The following DPP4 variants were observed in gnomAD, a reference collection of about 807,000 sequenced individuals.
DPP4 encodes ADCP-2.
Under a neutral mutation model 122.4 loss-of-function variants are expected in DPP4, and 93 were observed. The observed-to-expected ratio is 0.76, with a 90% CI of 0.64 to 0.90. The LOEUF is 0.90. Ranked by LOEUF, DPP4 falls within the 40% of genes least tolerant of loss-of-function variation. The pLI is 0.00. For synonymous variants in DPP4, 321 were observed against 302.9 expected (o/e 1.06, Z -0.62); for missense variants, 914 against 907.3 (o/e 1.01, Z -0.09).
chr2:162,034,081 G>A (rs907575638), intron 9 of DPP4, among the ~76,000 whole-genome samples: 2 of 151,784 alleles, frequency 1.3e-5, no homozygotes, highest in African/African-American at 2.4e-5. Flanking sequence ...AACACCTTGG[G>A]TTCTGCCAAA....
At chr2:162,039,093 G>T (rs1184906574) in intron 6 of DPP4, 39 bp downstream of exon 6, 4 of 1,610,034 alleles carry the variant, frequency 2.5e-6, no homozygotes, top group Non-Finnish European at 3.4e-6. Context: ...AAATATGACA[G>T]TAGGAAAGCC....
intron 2 of DPP4, among the ~76,000 whole-genome samples, chr2:162,071,855 CT>C (rs1685129439): frequency 6.6e-6 from 1 of 152,190 alleles, no homozygotes; most frequent in East Asian, 1.9e-4. Context: ...ATCCCTAGGC[CT>C]TTTCACTGGC....
chr2:162,029,517 G>A (rs1683464337), intron 10 of DPP4, among the ~76,000 whole-genome samples: 3 of 152,188 alleles, frequency 2.0e-5, no homozygotes, highest in Admixed American at 1.3e-4. Context: ...TGCAGCACCC[G>A]TACACCCGCA....
At chr2:162,014,167 GAA>G (rs374467084) in intron 19 of DPP4, among the ~76,000 whole-genome samples, 1 of 152,168 alleles carries the variant, frequency 6.6e-6, no homozygotes, top group East Asian at 1.9e-4. Flanking sequence ...CAAAACAAAA[GAA>G]AATCTATACA....
intron 20 of DPP4, among the ~76,000 whole-genome samples, chr2:162,011,134 A>T (rs1682692679): frequency 1.3e-5 from 2 of 152,154 alleles, no homozygotes; most frequent in African/African-American, 4.8e-5. Flanking sequence ...CAGGTAAAGC[A>T]CTTCTCATGC....
chr2:162,041,465 AG>A (rs1315775273), intron 5 of DPP4, among the ~76,000 whole-genome samples: 1 of 152,178 alleles, frequency 6.6e-6, no homozygotes, highest in East Asian at 1.9e-4. Flanking sequence ...ATATAATAGC[AG>A]AGCTGAGATA....
chr2:162,073,632 C>A (rs1342685863), intron 1 of DPP4, 146 bp from the exon 2 acceptor site: 7 of 761,730 alleles, frequency 9.2e-6, no homozygotes. Context: ...GTGGGGGTGG[C>A]GTCTGGAGTG....
At chr2:162,045,204 G>A (rs547769418) in intron 5 of DPP4, among the ~76,000 whole-genome samples, 1 of 152,058 alleles carries the variant, frequency 6.6e-6, no homozygotes, top group African/African-American at 2.4e-5. Context: ...AAAGGGTTCT[G>A]TCATTAGGTG....
intron 16 of DPP4, among the ~76,000 whole-genome samples, chr2:162,017,930 GATA>G (rs1242740793): frequency 6.6e-6 from 1 of 151,976 alleles, no homozygotes; most frequent in East Asian, 1.9e-4. Context: ...AGAAAATGAG[GATA>G]ATAATATCTA....
rs1022166499 is a variant in DPP4 at position 162,074,205 on chromosome 2, C to G, written c.-224G>C. 61 of 1,225,452 alleles carry G rather than the reference C, an allele frequency of 5.0e-5. No homozygotes were observed. The highest frequency in any genetic ancestry group is 8.1e-6 in the Non-Finnish European group (8 of 984,630). The allele number at this position is 1,225,452 out of a possible 1,614,324, so 75.9% of individuals were successfully genotyped here. A position where few individuals can be genotyped will look rare whatever the true frequency, so the allele number is the denominator to read the frequency against. On this transcript the variant is annotated 5_prime_UTR_variant, in exon 1 of 26. Coordinates refer to ENST00000360534, the MANE Select transcript of DPP4 (RefSeq NM_001935.4). ...GCGGCGCGGGAGCAGGCGCGCGTGGCGCGGGGCACTGGCATCCCGGCCGGG... is the reference window on the plus strand; with the variant it reads ...GCGGCGCGGGAGCAGGCGCGCGTGGGGCGGGGCACTGGCATCCCGGCCGGG...
At chr2:162,022,376 T>C (rs115790908) in intron 12 of DPP4, among the ~76,000 whole-genome samples, 13 of 152,318 alleles carry the variant, frequency 8.5e-5, no homozygotes, top group Admixed American at 7.2e-4. Context: ...CTTAGGTAAC[T>C]GTGCAGGCTG....
chr2:162,040,765 A>G (rs749629062), intron 5 of DPP4, among the ~76,000 whole-genome samples: 4 of 152,032 alleles, frequency 2.6e-5, no homozygotes, highest in Non-Finnish European at 5.9e-5. Context: ...ATTAATAATG[A>G]TATATTAATA....
chr2:162,067,674 A>G (rs1347995098), intron 2 of DPP4, among the ~76,000 whole-genome samples: 1 of 138,214 alleles, frequency 7.2e-6, no homozygotes, highest in East Asian at 1.9e-4. Context: ...GCAAATAATA[A>G]AACAGTTAGT....
chr2:162,069,801 T>C lies in DPP4; in HGVS notation c.94+3598A>G, dbSNP rs78905941. On this transcript the variant is annotated intron_variant, in intron 2 of 25. Transcript: ENST00000360534. ...TATCTTTTCTCTCTGATTATTCCTG[T>C]CTCCTTCACATTTGGGTTTTCTCTT... Among the ~76,000 whole-genome samples the C allele has an allele frequency of 8.5e-5, 13 of 152,298 alleles. No individual in the cohort carries two copies. The East Asian group carries it at 2.5e-3, about 29-fold the overall frequency.
intron 23 of DPP4, among the ~76,000 whole-genome samples, chr2:162,001,614 A>AT: frequency 6.6e-6 from 1 of 152,254 alleles, no homozygotes; most frequent in East Asian, 1.9e-4. Flanking sequence ...CCACGTTAAC[A>AT]TTTTTTACAA....
chr2:162,069,525 A>C (rs1240968872), intron 2 of DPP4, among the ~76,000 whole-genome samples: 1 of 152,220 alleles, frequency 6.6e-6, no homozygotes, highest in Non-Finnish European at 1.5e-5. Flanking sequence ...AGAGAAACTT[A>C]AGGCATATGC....
At chr2:162,008,532 A>T in intron 22 of DPP4, 30 bp downstream of exon 22, 2 of 1,587,128 alleles carry the variant, frequency 1.3e-6, no homozygotes, top group Non-Finnish European at 1.7e-6. Flanking sequence ...AACACTCCGT[A>T]TCTCTTTGTA....
At chr2:162,037,710 C>T (rs565081601) in intron 8 of DPP4, among the ~76,000 whole-genome samples, 32 of 152,126 alleles carry the variant, frequency 2.1e-4, no homozygotes, top group African/African-American at 6.5e-4. Flanking sequence ...CTAATAGTTT[C>T]GACAACTCTG....
At chr2:162,067,582 G>A (rs996024334) in intron 2 of DPP4, among the ~76,000 whole-genome samples, 3 of 152,116 alleles carry the variant, frequency 2.0e-5, no homozygotes, top group African/African-American at 7.2e-5. Flanking sequence ...GTTAAAGAAA[G>A]CACATAGTTT....
Sources: allele counts gnomAD v4.1 joint callset (sites outside exome capture counted in the v4.1 genomes callset), GRCh38; gene constraint gnomAD v4.1.1; transcripts MANE v1.5; gene names NCBI Gene and HGNC (gene_info 2026-07-23, HGNC 2026-07-21).